TBC1D16: variants seen among roughly 807,000 people sequenced by gnomAD.
The protein encoded by TBC1D16 is TBC1 domain family member 16.
In TBC1D16, 58 loss-of-function variants were observed where a neutral mutation model predicts 74.7. The ratio of observed to expected loss-of-function variants is 0.78; its 90% CI spans 0.63 to 0.97. The LOEUF (loss-of-function observed/expected upper bound fraction) is 0.97, where lower values mean the gene tolerates loss of function less well. TBC1D16 is among the 50% of genes least tolerant of loss of function. TBC1D16 has a pLI of 0.00. For missense variants in TBC1D16, 1,014 were observed against 1,079.5 expected (o/e 0.94, Z 0.85); for synonymous variants, 493 against 474.7 (o/e 1.04, Z -0.50).
rs952704134 is a variant in TBC1D16 at position 79,987,623 on chromosome 17, G to C, written c.779+22537C>G. 3.9e-5 allele frequency among the ~76,000 whole-genome samples: 6 copies of C among 152,224 alleles called. No individual in the cohort carries two copies. In the South Asian group the frequency reaches 1.0e-3, roughly 26 times the overall value. ...TCATGACTCTTTCCGAATGAAGGTG[G>C]GGATGGGGGTAGGGAATGTCCCCAT... On this transcript the variant is annotated intron_variant, in intron 3 of 11. Coordinates refer to ENST00000310924, the MANE Select transcript of TBC1D16 (RefSeq NM_019020.4). The surrounding 1 kb of genome is among the most constrained non-coding windows in gnomAD (Gnocchi z 5.2).
In TBC1D16 at chr17:79,954,652, C is replaced by T. The variant is rs1346657408; in HGVS notation, c.780-1834G>A. 1.3e-5 allele frequency among the ~76,000 whole-genome samples: 2 copies of T among 152,122 alleles called. No individual in the cohort carries two copies. Among genetic ancestry groups the T allele is most frequent in the South Asian group, 2.1e-4 (1 of 4,824 alleles). ...GTTGCTCACAACACAGGGCAGGTCTCGAGTCTGAGGCCCCACCGCACCCAT... is the reference window on the plus strand; with the variant it reads ...GTTGCTCACAACACAGGGCAGGTCTTGAGTCTGAGGCCCCACCGCACCCAT... On this transcript the variant is annotated intron_variant, in intron 3 of 11. Coordinates refer to ENST00000310924, the MANE Select transcript of TBC1D16 (RefSeq NM_019020.4). This position sits in a 1 kb window ranked among gnomAD's most constrained non-coding sequence, Gnocchi z 5.5.
At chr17:79,991,612 A>G (rs1192157557) in intron 3 of TBC1D16, among the ~76,000 whole-genome samples, 3 of 151,434 alleles carry the variant, frequency 2.0e-5, no homozygotes, top group Non-Finnish European at 2.9e-5. Flanking sequence ...GATTCACCAA[A>G]ATCTGCTTGG....
In TBC1D16 at chr17:79,933,525, G is replaced by A. The variant is rs74797521; in HGVS notation, c.*7334C>T. On this transcript the variant is annotated 3_prime_UTR_variant, in exon 12 of 12. Transcript: ENST00000310924. ...GGCACGGGGAGGAAGGGAGACACCC[G>A]TAATAATAACAGAGACCGCACTGGA... 0.074 allele frequency: 11,267 copies of A among 152,296 alleles called. 576 individuals are homozygous for A. The highest frequency in any genetic ancestry group is 0.16 in the Admixed American group (2,423 of 15,292). The allele number at this position is 152,296 out of a possible 1,614,324, so 9.4% of individuals were successfully genotyped here.
At chr17:79,945,418 G>A (rs2032443150) in intron 9 of TBC1D16, among the ~76,000 whole-genome samples, 1 of 152,160 alleles carries the variant, frequency 6.6e-6, no homozygotes, top group Admixed American at 6.5e-5. Flanking sequence ...TGCACACTTG[G>A]GGGCTGTTTC....
At chr17:79,974,928 C>T (rs1454172625) in intron 3 of TBC1D16, among the ~76,000 whole-genome samples, 4 of 152,146 alleles carry the variant, frequency 2.6e-5, no homozygotes, top group African/African-American at 9.7e-5. Flanking sequence ...TTTGTGGCTA[C>T]CTCCCTGTCC....
chr17:80,018,877 A>T (rs2036189596), intron 1 of TBC1D16, among the ~76,000 whole-genome samples: 1 of 150,236 alleles, frequency 6.7e-6, no homozygotes, highest in Non-Finnish European at 1.5e-5. Context: ...TTAGGATTAC[A>T]GGCGGGAGCC....
In TBC1D16 at chr17:80,021,724, CAG is replaced by C. The variant is rs1433541981; in HGVS notation, c.-62-8117_-62-8116del. On this transcript the variant is annotated intron_variant, in intron 1 of 11. Transcript: ENST00000310924. ...TCACAGACACACACACCACACACCA[CAG>C]ACACACACACTGCACACACCATAGA... Among the ~76,000 whole-genome samples, 8 of 146,096 alleles carry C rather than the reference CAG, an allele frequency of 5.5e-5. No homozygotes were observed. The East Asian group carries it at 1.4e-3, about 25-fold the overall frequency.
At position 79,937,168 on chromosome 17, in the gene TBC1D16, G is replaced by A. The variant is rs3209587; in HGVS notation, c.*3691C>T. The A allele has an allele frequency of 0.2, 29,293 of 145,270 alleles. 3,496 individuals carry two copies. The highest frequency in any genetic ancestry group is 0.35 in the African/African-American group (14,076 of 40,126). The allele number at this position is 145,270 out of a possible 1,614,324, so 9.0% of individuals were successfully genotyped here. A position where few individuals can be genotyped will look rare whatever the true frequency, so the allele number is the denominator to read the frequency against. On this transcript the variant is annotated 3_prime_UTR_variant, in exon 12 of 12. Coordinates refer to ENST00000310924, the MANE Select transcript of TBC1D16 (RefSeq NM_019020.4). The stretch of plus-strand genomic sequence containing the variant: ...GGAGCAAGATTTCATTCCCCAGAGG[G>A]CACAGCTTGGGCAGATTCCCATCAT...
At chr17:80,022,446 C>T (rs1177598073) in intron 1 of TBC1D16, among the ~76,000 whole-genome samples, 2 of 149,660 alleles carry the variant, frequency 1.3e-5, no homozygotes, top group Non-Finnish European at 2.9e-5. Context: ...AAGTGATTCT[C>T]CTGCCTCAGA....
intron 10 of TBC1D16, among the ~76,000 whole-genome samples, chr17:79,943,170 C>G (rs998107592): frequency 6.6e-6 from 1 of 152,228 alleles, no homozygotes; most frequent in African/African-American, 2.4e-5. Context: ...CCAGCCTGCT[C>G]CTGGAGAGAC....
rs141373322 is a variant in TBC1D16 at position 79,941,186 on chromosome 17, A to G, written c.2056-79T>C. ...AGGGTCCCCATGGGAGTGGCCAAAGACAGCAACAGCAGCAACAACGGCCTG... is the reference window on the plus strand; with the variant it reads ...AGGGTCCCCATGGGAGTGGCCAAAGGCAGCAACAGCAGCAACAACGGCCTG... On this transcript the variant is annotated intron_variant, in intron 11 of 11. Coordinates refer to ENST00000310924, the MANE Select transcript of TBC1D16 (RefSeq NM_019020.4). The surrounding 1 kb of genome is among the most constrained non-coding windows in gnomAD (Gnocchi z 4.3). The G allele has an allele frequency of 1.5e-3, 2,051 of 1,392,898 alleles. 3 individuals carry two copies. The highest frequency in any genetic ancestry group is 0.011 in the African/African-American group (758 of 69,966). The allele number at this position is 1,392,898 out of a possible 1,614,324, so 86.3% of individuals were successfully genotyped here. A position where few individuals can be genotyped will look rare whatever the true frequency, so the allele number is the denominator to read the frequency against.
intron 1 of TBC1D16, among the ~76,000 whole-genome samples, chr17:80,017,523 A>C (rs1403829755): frequency 6.6e-6 from 1 of 151,764 alleles, no homozygotes; most frequent in African/African-American, 2.4e-5. Flanking sequence ...CTCTACTAAA[A>C]ATACAAAATT....
At chr17:79,951,738 G>T in intron 4 of TBC1D16, 141 bp from the exon 5 acceptor site, 4 of 1,033,068 alleles carry the variant, frequency 3.9e-6, no homozygotes, top group Non-Finnish European at 5.5e-6. Flanking sequence ...GGCTGCTAGC[G>T]GGAGGGGACA....
At position 79,954,300 on chromosome 17, in the gene TBC1D16, C is replaced by T. The variant is rs2033229417; in HGVS notation, c.780-1482G>A. On this transcript the variant is annotated intron_variant, in intron 3 of 11. Coordinates refer to ENST00000310924, the MANE Select transcript of TBC1D16 (RefSeq NM_019020.4). This position sits in a 1 kb window ranked among gnomAD's most constrained non-coding sequence, Gnocchi z 5.5. ...TAAATAAAGCTCCTTTGGAGGGTTC[C>T]AGCACAATCCCTCCCCACTGGGAAC... Among the ~76,000 whole-genome samples the T allele has an allele frequency of 6.6e-6, 1 of 152,212 alleles. No individual in the cohort carries two copies. The highest frequency in any genetic ancestry group is 1.5e-5 in the Non-Finnish European group (1 of 68,040).
At position 79,956,562 on chromosome 17, in the gene TBC1D16, G is replaced by A. The variant is rs1460403593; in HGVS notation, c.780-3744C>T. Reference sequence around the variant, plus strand: ...AGCCACCACGCTGGGCCCGGTGGTCGCTTTAAGTTGCTGAGTTTGAGGGCG... The same window carrying A: ...AGCCACCACGCTGGGCCCGGTGGTCACTTTAAGTTGCTGAGTTTGAGGGCG... On this transcript the variant is annotated intron_variant, in intron 3 of 11. Transcript: ENST00000310924. This position sits in a 1 kb window ranked among gnomAD's most constrained non-coding sequence, Gnocchi z 4.0. Among the ~76,000 whole-genome samples, 6 of 152,270 alleles carry A rather than the reference G, an allele frequency of 3.9e-5. No individual in the cohort carries two copies. The highest frequency in any genetic ancestry group is 2.1e-4 in the South Asian group (1 of 4,828).
chr17:79,984,611 G>GGAAGGAA (rs2034744108), intron 3 of TBC1D16, among the ~76,000 whole-genome samples: 1 of 77,406 alleles, frequency 1.3e-5, no homozygotes, highest in African/African-American at 5.0e-5. Context: ...AAAAGAGGGA[G>GGAAGGAA]GGAGGGAGTG....
intron 3 of TBC1D16, among the ~76,000 whole-genome samples, chr17:79,965,624 C>T (rs187272882): frequency 5.1e-4 from 78 of 152,212 alleles, no homozygotes; most frequent in African/African-American, 1.7e-3. Context: ...ATCATGTCCC[C>T]GGGTTTCAGA....
At chr17:79,960,117 T>C (rs947124423) in intron 3 of TBC1D16, among the ~76,000 whole-genome samples, 1 of 152,058 alleles carries the variant, frequency 6.6e-6, no homozygotes, top group African/African-American at 2.4e-5. Context: ...TTAAGAGATA[T>C]TGTTAAGAAA....
Position 79,950,104 on chromosome 17 carries a change from C to A in TBC1D16, c.1258-239G>T, listed in dbSNP as rs2032923267. On this transcript the variant is annotated intron_variant, in intron 6 of 11. Transcript: ENST00000310924. The surrounding 1 kb of genome is among the most constrained non-coding windows in gnomAD (Gnocchi z 4.6). ...CGCTCAGATTAACGTGTCGTTCTCA[C>A]GTCATGGCCTAATCCCTGGTTTTGG... is the stretch of plus-strand genomic sequence containing the variant. 6.6e-6 allele frequency among the ~76,000 whole-genome samples: 1 copy of A among 152,214 alleles called. No homozygotes were observed. Among genetic ancestry groups the A allele is most frequent in the African/African-American group, 2.4e-5 (1 of 41,458 alleles).
Sources: gnomAD v4.1 joint callset for allele counts (sites outside exome capture counted in the v4.1 genomes callset) on GRCh38, gnomAD v4.1.1 for gene constraint, Gnocchi (gnomAD v3.1) non-coding constraint, MANE v1.5 for transcripts, NCBI Gene and HGNC (gene_info 2026-07-23, HGNC 2026-07-21) for gene names.